KHDRBS2: variants seen among roughly 807,000 people sequenced by gnomAD.
The protein encoded by KHDRBS2 is KH RNA binding domain containing, signal transduction associated 2, also known as KH domain-containing, RNA-binding, signal transduction-associated protein 2.
KHDRBS2 carries 26 observed loss-of-function variants against 44.3 expected under a neutral mutation model. The ratio of observed to expected loss-of-function variants is 0.59; its 90% CI spans 0.43 to 0.81. The LOEUF (loss-of-function observed/expected upper bound fraction) is 0.81. KHDRBS2 is among the 40% of genes least tolerant of loss of function. The pLI is 0.00. For missense variants in KHDRBS2, 476 were observed against 433.1 expected (o/e 1.10, Z -0.88); for synonymous variants, 194 against 151.1 (o/e 1.28, Z -2.08).
chr6:62,160,524 C>G (rs1291311743), intron 2 of KHDRBS2, among the ~76,000 whole-genome samples: 3 of 152,038 alleles, frequency 2.0e-5, no homozygotes, highest in African/African-American at 7.2e-5. Flanking sequence ...AATTGCAAAC[C>G]CCTGTCTTTT....
chr6:62,085,088 A>C (rs1798147401), intron 2 of KHDRBS2, among the ~76,000 whole-genome samples: 1 of 152,208 alleles, frequency 6.6e-6, no homozygotes, highest in African/African-American at 2.4e-5. Context: ...TTACTCTATT[A>C]GAATTCTAAA....
chr6:61,919,548 A>G (rs528546032), intron 4 of KHDRBS2, among the ~76,000 whole-genome samples: 1 of 151,948 alleles, frequency 6.6e-6, no homozygotes, highest in South Asian at 2.1e-4. Context: ...TTTTTCCTCA[A>G]TTCTAATGTA....
chr6:61,982,214 A>AATATATATAT lies in KHDRBS2; in HGVS notation c.337-4012_337-4003dup, dbSNP rs34900603. 1.5e-3 allele frequency among the ~76,000 whole-genome samples: 224 copies of AATATATATAT among 149,850 alleles called. 2 individuals carry two copies. Among genetic ancestry groups the AATATATATAT allele is most frequent in the African/African-American group, 5.3e-3 (218 of 40,974 alleles). On this transcript the variant is annotated intron_variant, in intron 3 of 8. Coordinates refer to ENST00000281156, the MANE Select transcript of KHDRBS2 (RefSeq NM_152688.4). ...GTGATGAAGAAATAAAGTCACTGCA[A>AATATATATAT]ATATATATATATATCTTACTCTGAT... is the stretch of plus-strand genomic sequence containing the variant.
the KHDRBS2 span, among the ~76,000 whole-genome samples, chr6:61,569,374 G>A: frequency 6.6e-6 from 1 of 152,096 alleles, no homozygotes; most frequent in Admixed American, 6.6e-5. Context: ...CACCTGAGAA[G>A]CTAAAATACT....
intron 6 of KHDRBS2, among the ~76,000 whole-genome samples, chr6:61,862,855 T>C (rs1305765410): frequency 6.6e-6 from 1 of 152,120 alleles, no homozygotes; most frequent in Non-Finnish European, 1.5e-5. Flanking sequence ...GGGAGGAATC[T>C]CTCTTCTTCA....
chr6:61,773,895 T>A (rs1214235883), intron 6 of KHDRBS2, among the ~76,000 whole-genome samples: 1 of 151,430 alleles, frequency 6.6e-6, no homozygotes, highest in Non-Finnish European at 1.5e-5. Context: ...ATTTATTAAA[T>A]AGGGAATCCT....
chr6:61,899,971 C>T (rs1473267640), intron 5 of KHDRBS2, among the ~76,000 whole-genome samples: 2 of 151,592 alleles, frequency 1.3e-5, no homozygotes, highest in African/African-American at 4.8e-5. Context: ...ACAAAACAAC[C>T]CATAAAAAAG....
chr6:62,135,700 T>A (rs1286982832), intron 2 of KHDRBS2, among the ~76,000 whole-genome samples: 3 of 151,814 alleles, frequency 2.0e-5, no homozygotes, highest in African/African-American at 7.3e-5. Flanking sequence ...TATGTGCAAA[T>A]ATACACACAC....
chr6:61,585,525 G>T, the KHDRBS2 span, among the ~76,000 whole-genome samples: 596 of 152,068 alleles, frequency 3.9e-3, 4 homozygotes, highest in Non-Finnish European at 6.6e-3. Context: ...AAGATAAGAG[G>T]CTTAGAAAAT....
the KHDRBS2 span, among the ~76,000 whole-genome samples, chr6:61,638,124 A>ATC: frequency 3.9e-5 from 6 of 152,086 alleles, no homozygotes; most frequent in Middle Eastern, 3.2e-3. Flanking sequence ...TCAAGCTACC[A>ATC]ATGACTTTCT....
downstream of KHDRBS2, among the ~76,000 whole-genome samples, chr6:61,676,014 T>C (rs1331676470): frequency 1.3e-5 from 2 of 151,832 alleles, no homozygotes; most frequent in East Asian, 3.9e-4. Flanking sequence ...TTGACAACTT[T>C]GGGAGCCATC....
At chr6:62,144,922 G>A (rs1166707512) in intron 2 of KHDRBS2, among the ~76,000 whole-genome samples, 7 of 151,890 alleles carry the variant, frequency 4.6e-5, no homozygotes, top group Non-Finnish European at 8.8e-5. Flanking sequence ...TAAGTCCTTA[G>A]TGCATTAGGG....
intron 2 of KHDRBS2, among the ~76,000 whole-genome samples, chr6:62,050,708 T>C (rs1418623729): frequency 2.0e-5 from 3 of 152,018 alleles, no homozygotes; most frequent in Non-Finnish European, 2.9e-5. Flanking sequence ...TTTAAAATGA[T>C]ACAGTAGTAT....
intron 2 of KHDRBS2, among the ~76,000 whole-genome samples, chr6:62,083,320 A>C (rs1207775866): frequency 1.3e-5 from 2 of 152,092 alleles, no homozygotes; most frequent in African/African-American, 4.8e-5. Flanking sequence ...GGGGAAAACC[A>C]CCGTCCTACT....
chr6:61,838,459 A>G (rs538086366), intron 6 of KHDRBS2, among the ~76,000 whole-genome samples: 1 of 152,144 alleles, frequency 6.6e-6, no homozygotes, highest in South Asian at 2.1e-4. Flanking sequence ...TCTTCTATGT[A>G]CAATTTATCT....
intron 2 of KHDRBS2, among the ~76,000 whole-genome samples, chr6:62,104,893 G>A (rs1370995307): frequency 6.6e-6 from 1 of 152,086 alleles, no homozygotes; most frequent in Non-Finnish European, 1.5e-5. Context: ...TAAGCCTTCT[G>A]TGAGACTTGT....
chr6:61,608,490 C>A, the KHDRBS2 span, among the ~76,000 whole-genome samples: 1 of 151,704 alleles, frequency 6.6e-6, no homozygotes, highest in Non-Finnish European at 1.5e-5. Context: ...GCAGAACATG[C>A]AGGTTTGTTA....
chr6:62,075,477 G>C (rs1415062121), intron 2 of KHDRBS2, among the ~76,000 whole-genome samples: 1 of 151,932 alleles, frequency 6.6e-6, no homozygotes, highest in Admixed American at 6.6e-5. Flanking sequence ...TATACCAATG[G>C]TCCTGGTTCA....
chr6:62,149,599 A>AT (rs1463297665), intron 2 of KHDRBS2, among the ~76,000 whole-genome samples: 2 of 152,184 alleles, frequency 1.3e-5, no homozygotes, highest in African/African-American at 4.8e-5. Context: ...ACTGCCTAGC[A>AT]TAATTTTCTT....
Sources: gnomAD v4.1 joint callset for allele counts (sites outside exome capture counted in the v4.1 genomes callset) on GRCh38, gnomAD v4.1.1 for gene constraint, MANE v1.5 for transcripts, NCBI Gene and HGNC (gene_info 2026-07-23, HGNC 2026-07-21) for gene names.